Variants in MEF2A observed in about 807,000 individuals in gnomAD.
MEF2A encodes myocyte-specific enhancer factor 2A.
A neutral mutation model predicts 55.8 loss-of-function variants in MEF2A; 28 were observed. That is an observed-to-expected ratio of 0.50 (90% CI 0.37 to 0.69). The LOEUF (loss-of-function observed/expected upper bound fraction) is 0.69. MEF2A is among the 30% of genes least tolerant of loss of function. The pLI, the probability that MEF2A is intolerant of heterozygous loss-of-function variation, is 0.00. For synonymous variants in MEF2A, 239 were observed against 227.1 expected (o/e 1.05, Z -0.47); for missense variants, 528 against 626.2 (o/e 0.84, Z 1.67).
At chr15:99,638,828 T>C (rs1275689684) in intron 3 of MEF2A, among the ~76,000 whole-genome samples, 2 of 152,190 alleles carry the variant, frequency 1.3e-5, no homozygotes, top group African/African-American at 4.8e-5. Flanking sequence ...TCTTTTGACA[T>C]GTCTAGTGGT....
chr15:99,595,217 A>G (rs1420566708), intron 1 of MEF2A, among the ~76,000 whole-genome samples: 1 of 152,188 alleles, frequency 6.6e-6, no homozygotes, highest in Non-Finnish European at 1.5e-5. Context: ...TCAGGTAATG[A>G]CATGTAAAGC....
At chr15:99,568,115 T>C (rs532627770) in intron 1 of MEF2A, among the ~76,000 whole-genome samples, 35 of 152,222 alleles carry the variant, frequency 2.3e-4, no homozygotes, top group Non-Finnish European at 4.6e-4. Context: ...AAATTGTGGT[T>C]TGATTTCATA....
At chr15:99,676,892 G>A (rs1207751434) in intron 7 of MEF2A, among the ~76,000 whole-genome samples, 7 of 152,158 alleles carry the variant, frequency 4.6e-5, no homozygotes, top group African/African-American at 1.7e-4. Context: ...CAGAATGCCC[G>A]GAAAAGCAAA....
chr15:99,701,241 T>G (rs1320899414), intron 8 of MEF2A, among the ~76,000 whole-genome samples: 8 of 152,224 alleles, frequency 5.3e-5, no homozygotes, highest in Non-Finnish European at 1.0e-4. Context: ...AACATGTGCC[T>G]TCCAATATGA....
chr15:99,566,863 G>T (rs1959843874), intron 1 of MEF2A, among the ~76,000 whole-genome samples: 1 of 152,204 alleles, frequency 6.6e-6, no homozygotes, highest in Non-Finnish European at 1.5e-5. Context: ...ACGTCGCGGG[G>T]ACAGAGGGGC....
chr15:99,699,256 C>G (rs1233826646), intron 8 of MEF2A, among the ~76,000 whole-genome samples: 1 of 152,126 alleles, frequency 6.6e-6, no homozygotes, highest in Non-Finnish European at 1.5e-5. Flanking sequence ...TGCTACTCAG[C>G]AATAAACTGT....
intron 2 of MEF2A, among the ~76,000 whole-genome samples, chr15:99,623,447 T>A (rs1025972064): frequency 1.3e-5 from 2 of 152,206 alleles, no homozygotes; most frequent in African/African-American, 4.8e-5. Flanking sequence ...AGATGGCAAT[T>A]CTATATTTAA....
chr15:99,691,100 G>T (rs1484961355), intron 8 of MEF2A, among the ~76,000 whole-genome samples: 8 of 122,896 alleles, frequency 6.5e-5, no homozygotes, highest in African/African-American at 6.1e-5. Flanking sequence ...TTCGAATCAG[G>T]TTTTTTTTTT....
intron 8 of MEF2A, among the ~76,000 whole-genome samples, chr15:99,697,665 A>T (rs112438535): frequency 6.6e-6 from 1 of 152,190 alleles, no homozygotes; most frequent in Non-Finnish European, 1.5e-5. Flanking sequence ...TCCCAGATTG[A>T]TCTGTAGATT....
chr15:99,627,976 GAA>G (rs1470053031), intron 2 of MEF2A, among the ~76,000 whole-genome samples: 2 of 152,156 alleles, frequency 1.3e-5, no homozygotes, highest in East Asian at 3.8e-4. Context: ...TTTTAAAAGA[GAA>G]ATGATTGGGG....
At chr15:99,579,562 T>C (rs1965317681) in intron 1 of MEF2A, among the ~76,000 whole-genome samples, 1 of 151,918 alleles carries the variant, frequency 6.6e-6, no homozygotes, top group South Asian at 2.1e-4. Flanking sequence ...GCCTGGCTAA[T>C]TTTTTGTATT....
chr15:99,617,096 C>T (rs776633874), intron 2 of MEF2A, among the ~76,000 whole-genome samples: 4 of 152,266 alleles, frequency 2.6e-5, no homozygotes, highest in East Asian at 1.9e-4. Context: ...TCTTTGAATG[C>T]TGTCTTCTGT....
intron 10 of MEF2A, among the ~76,000 whole-genome samples, chr15:99,708,057 A>T (rs897073): frequency 0.29 from 43,996 of 152,194 alleles, 7,779 homozygotes; most frequent in African/African-American, 0.5. Context: ...GCCTGTTATT[A>T]GTGCCTTGCA....
Position 99,693,083 on chromosome 15 carries a change from G to C in MEF2A, c.858+2655G>C, listed in dbSNP as rs141267208. Among the ~76,000 whole-genome samples, 335 of 152,226 alleles carry C rather than the reference G, an allele frequency of 2.2e-3. 3 individuals are homozygous for C. The highest frequency in any genetic ancestry group is 7.6e-3 in the African/African-American group (317 of 41,546). ...CCAGAGGGATATGAAGCTTGTGGTAGGTGCCCTGATGGTAACCAGAGCAAC... is the reference window on the plus strand; with the variant it reads ...CCAGAGGGATATGAAGCTTGTGGTACGTGCCCTGATGGTAACCAGAGCAAC... On this transcript the variant is annotated intron_variant, in intron 8 of 11. Transcript: ENST00000557942.
In MEF2A at chr15:99,712,279, T is replaced by A; in HGVS notation, c.1137-111T>A. 7.0e-7 allele frequency: 1 copy of A among 1,432,120 alleles called. No homozygotes were observed. Among genetic ancestry groups the A allele is most frequent in the Middle Eastern group, 1.9e-4 (1 of 5,276 alleles). The allele number at this position is 1,432,120 out of a possible 1,614,324, so 88.7% of individuals were successfully genotyped here. A position where few individuals can be genotyped will look rare whatever the true frequency, so the allele number is the denominator to read the frequency against. On this transcript the variant is annotated intron_variant, in intron 11 of 11. Coordinates refer to ENST00000557942, the MANE Select transcript of MEF2A (RefSeq NM_001319206.4). The surrounding 1 kb of genome is among the most constrained non-coding windows in gnomAD (Gnocchi z 4.1). ...CCAAACCAGTCTTGGGGAACTCTGA[T>A]AAGATTTCAGACTCTGGGCCCTTTT...
intron 1 of MEF2A, among the ~76,000 whole-genome samples, chr15:99,597,137 C>T (rs1971458737): frequency 6.6e-6 from 1 of 152,140 alleles, no homozygotes; most frequent in African/African-American, 2.4e-5. Context: ...AGAGAGATAA[C>T]CTTAAACTCT....
At chr15:99,602,038 G>A (rs966972984) in intron 2 of MEF2A, among the ~76,000 whole-genome samples, 1 of 152,040 alleles carries the variant, frequency 6.6e-6, no homozygotes, top group Non-Finnish European at 1.5e-5. Context: ...ATGGGTCTAC[G>A]GCAACCTCAG....
At chr15:99,693,215 T>C (rs1257944059) in intron 8 of MEF2A, among the ~76,000 whole-genome samples, 2 of 152,116 alleles carry the variant, frequency 1.3e-5, no homozygotes, top group Non-Finnish European at 2.9e-5. Flanking sequence ...GAATTACCCA[T>C]GCTGAAATAC....
intron 3 of MEF2A, among the ~76,000 whole-genome samples, chr15:99,645,135 C>T (rs1389752605): frequency 6.6e-6 from 1 of 152,000 alleles, no homozygotes; most frequent in Non-Finnish European, 1.5e-5. Flanking sequence ...TAGAGAAGGG[C>T]TTGAGAGGGA....
Sources: gnomAD v4.1 joint callset for allele counts (sites outside exome capture counted in the v4.1 genomes callset) on GRCh38, gnomAD v4.1.1 for gene constraint, Gnocchi (gnomAD v3.1) non-coding constraint, MANE v1.5 for transcripts, NCBI Gene and HGNC (gene_info 2026-07-23, HGNC 2026-07-21) for gene names.